The following CLDN16 variants were observed in gnomAD, a reference collection of about 807,000 sequenced individuals.
CLDN16 encodes claudin 16, also known as claudin-16.
CLDN16 carries 13 observed loss-of-function variants against 24.6 expected under a neutral mutation model. The observed-to-expected ratio is 0.53, with a 90% CI of 0.34 to 0.84. CLDN16 has a LOEUF of 0.84. Among genes scored for constraint, CLDN16 ranks in the 40% least tolerant of loss-of-function variants. The pLI is 0.01. For synonymous variants in CLDN16, 116 were observed against 106.7 expected, an observed-to-expected ratio of 1.09 and a Z score of -0.54; for missense variants, 298 against 292.7, an observed-to-expected ratio of 1.02 and a Z score of -0.13.
At chr3:190,292,041 G>T in the CLDN16 span, among the ~76,000 whole-genome samples, 10 of 152,174 alleles carry the variant, frequency 6.6e-5, no homozygotes, top group African/African-American at 2.4e-4. Context: ...TCTGGGGTCT[G>T]AAGGTTTGTG....
At chr3:190,371,647 T>C (rs1348332946) in intron 2 of CLDN16, among the ~76,000 whole-genome samples, 2 of 152,004 alleles carry the variant, frequency 1.3e-5, no homozygotes, top group African/African-American at 4.8e-5. Context: ...GTAGTGATTT[T>C]TGTCTATTTA....
At chr3:190,308,282 C>T in the CLDN16 span, 219 of 1,613,744 alleles carry the variant, frequency 1.4e-4, no homozygotes, top group South Asian at 1.0e-3. Flanking sequence ...CTGTGTCACA[C>T]GTAGTCTTTC....
At chr3:190,361,526 C>A (rs1024574612) in intron 1 of CLDN16, among the ~76,000 whole-genome samples, 22 of 151,948 alleles carry the variant, frequency 1.4e-4, no homozygotes, top group Admixed American at 7.2e-4. Context: ...GTAGGACTAA[C>A]AAATTAGCTA....
the CLDN16 span, among the ~76,000 whole-genome samples, chr3:190,291,706 G>A: frequency 6.6e-6 from 1 of 151,976 alleles, no homozygotes; most frequent in Non-Finnish European, 1.5e-5. Context: ...CTAGGAGCCT[G>A]TAAAATAATA....
At chr3:190,306,045 C>T in the CLDN16 span, 1 of 152,218 alleles carries the variant, frequency 6.6e-6, no homozygotes, top group African/African-American at 2.4e-5. Flanking sequence ...CCTCATAAGA[C>T]ACAGTGGCTG....
At chr3:190,409,040 A>AT (rs1205410427) in intron 4 of CLDN16, among the ~76,000 whole-genome samples, 1 of 151,088 alleles carries the variant, frequency 6.6e-6, no homozygotes, top group Non-Finnish European at 1.5e-5. Flanking sequence ...GTAGTTGTGG[A>AT]TTTTTTCAAT....
At chr3:190,404,306 C>T (rs905140001) in intron 2 of CLDN16, among the ~76,000 whole-genome samples, 3 of 151,984 alleles carry the variant, frequency 2.0e-5, no homozygotes, top group African/African-American at 7.2e-5. Flanking sequence ...TTCTGCTTCC[C>T]TGTGTCAAAT....
chr3:190,290,826 G>A, the CLDN16 span, among the ~76,000 whole-genome samples: 1 of 152,170 alleles, frequency 6.6e-6, no homozygotes, highest in Admixed American at 6.5e-5. Context: ...TCAAATACTA[G>A]CTTTGGGCTA....
At chr3:190,291,811 A>C in the CLDN16 span, among the ~76,000 whole-genome samples, 1 of 152,234 alleles carries the variant, frequency 6.6e-6, no homozygotes, top group Admixed American at 6.5e-5. Context: ...AATTGGCCAA[A>C]ACAAAGGTGC....
chr3:190,392,974 G>A (rs1472084424), intron 1 of CLDN16, among the ~76,000 whole-genome samples: 2 of 152,164 alleles, frequency 1.3e-5, no homozygotes, highest in South Asian at 2.1e-4. Context: ...GAGGTATGGG[G>A]AGAACAACTA....
chr3:190,379,619 G>C (rs527809780), intron 3 of CLDN16, among the ~76,000 whole-genome samples: 2 of 152,160 alleles, frequency 1.3e-5, no homozygotes, highest in East Asian at 1.9e-4. Flanking sequence ...CATCTACAAT[G>C]ATACATTCAC....
intron 1 of CLDN16, among the ~76,000 whole-genome samples, chr3:190,341,280 A>G (rs1717427410): frequency 6.6e-6 from 1 of 152,196 alleles, no homozygotes. Flanking sequence ...CCACCCCTGT[A>G]GCAAACTTCT....
At chr3:190,295,328 G>A in the CLDN16 span, among the ~76,000 whole-genome samples, 26 of 152,106 alleles carry the variant, frequency 1.7e-4, no homozygotes, top group African/African-American at 5.6e-4. Flanking sequence ...ACCCGTCTTA[G>A]AGGAAAAGAG....
At chr3:190,346,461 G>A (rs1002040941) in intron 1 of CLDN16, among the ~76,000 whole-genome samples, 49 of 152,272 alleles carry the variant, frequency 3.2e-4, no homozygotes, top group African/African-American at 1.0e-3. Context: ...GATTCATAAT[G>A]ATGCTGAAAT....
chr3:190,374,189 T>G (rs1462086178), intron 2 of CLDN16, among the ~76,000 whole-genome samples: 2 of 151,672 alleles, frequency 1.3e-5, no homozygotes, highest in African/African-American at 4.8e-5. Flanking sequence ...GAATCCAGAA[T>G]AGTCTACCAT....
At chr3:190,350,616 A>G (rs1372995188) in intron 1 of CLDN16, among the ~76,000 whole-genome samples, 1 of 152,152 alleles carries the variant, frequency 6.6e-6, no homozygotes, top group Non-Finnish European at 1.5e-5. Flanking sequence ...CCACCATTTA[A>G]CTAGCTGTGG....
chr3:190,303,881 T>C, the CLDN16 span, among the ~76,000 whole-genome samples: 1 of 108,864 alleles, frequency 9.2e-6, no homozygotes, highest in African/African-American at 4.6e-5. Flanking sequence ...CTCCTCCTTT[T>C]CCCCACAAAA....
intron 1 of CLDN16, among the ~76,000 whole-genome samples, chr3:190,324,401 T>A (rs1027634179): frequency 2.0e-5 from 3 of 152,150 alleles, no homozygotes; most frequent in African/African-American, 7.2e-5. Context: ...GAGAATTGCT[T>A]GAACCCGGGA....
chr3:190,360,489 C>T (rs567972746), intron 1 of CLDN16, among the ~76,000 whole-genome samples: 9 of 151,942 alleles, frequency 5.9e-5, no homozygotes, highest in African/African-American at 1.9e-4. Context: ...ATAAGAAACT[C>T]AACTGGTGTA....
Sources: gnomAD v4.1 joint callset for allele counts (sites outside exome capture counted in the v4.1 genomes callset) on GRCh38, gnomAD v4.1.1 for gene constraint, MANE v1.5 for transcripts, NCBI Gene and HGNC (gene_info 2026-07-23, HGNC 2026-07-21) for gene names.